ARMC2: variants seen among roughly 807,000 people sequenced by gnomAD.
ARMC2 encodes armadillo repeat containing 2.
ARMC2 carries 67 observed loss-of-function variants against 90.3 expected under a neutral mutation model. The ratio of observed to expected loss-of-function variants is 0.74; its 90% CI spans 0.61 to 0.91. ARMC2 has a LOEUF of 0.91. Among genes scored for constraint, ARMC2 ranks in the 40% least tolerant of loss-of-function variants. The pLI, the probability that ARMC2 is intolerant of heterozygous loss-of-function variation, is 0.00. For missense variants in ARMC2, 920 were observed against 1,030.9 expected (o/e 0.89, Z 1.47); for synonymous variants, 393 against 393.0 (o/e 1.00, Z 0.00).
Position 108,973,551 on chromosome 6 carries a change from T to A in ARMC2, c.*37T>A, listed in dbSNP as rs755510784. On this transcript the variant is annotated 3_prime_UTR_variant, in exon 18 of 18. Transcript: ENST00000392644. ...TTAACAGTAGAAACGAGAACTCACG[T>A]CTCCCTCATTCTTAAGAACTGGTAA... 18 of 1,528,884 alleles carry A rather than the reference T, an allele frequency of 1.2e-5. No individual in the cohort carries two copies. Among genetic ancestry groups the A allele is most frequent in the Non-Finnish European group, 1.4e-5 (16 of 1,129,318 alleles). The allele number at this position is 1,528,884 out of a possible 1,614,324, so 94.7% of individuals were successfully genotyped here.
the ARMC2 span, chr6:109,009,282 G>C: frequency 9.3e-6 from 12 of 1,296,448 alleles, no homozygotes; most frequent in African/African-American, 6.2e-5. Context: ...CGTGACCTCC[G>C]TGTTGCACAG....
chr6:108,850,529 A>G (rs1216898813), intron 1 of ARMC2, among the ~76,000 whole-genome samples: 1 of 152,132 alleles, frequency 6.6e-6, no homozygotes, highest in Non-Finnish European at 1.5e-5. Flanking sequence ...TCGTCACAAC[A>G]TTGAGTCCTA....
At chr6:108,989,577 C>A in the ARMC2 span, among the ~76,000 whole-genome samples, 2 of 148,584 alleles carry the variant, frequency 1.3e-5, no homozygotes, top group Admixed American at 6.7e-5. Flanking sequence ...CTAGAGATAT[C>A]TATATATAGA....
At chr6:108,858,329 A>C in intron 3 of ARMC2, 58 bp downstream of exon 3, 1 of 1,363,226 alleles carries the variant, frequency 7.3e-7, no homozygotes, top group South Asian at 1.3e-5. Context: ...GAAATTGGCC[A>C]AAAACACTTG....
the ARMC2 span, among the ~76,000 whole-genome samples, chr6:108,980,014 C>T: frequency 2.0e-4 from 30 of 151,950 alleles, no homozygotes; most frequent in African/African-American, 4.4e-4. Flanking sequence ...ACTCATTCTC[C>T]GTCCAGTTTT....
At chr6:108,928,454 G>T (rs778286929) in intron 11 of ARMC2, among the ~76,000 whole-genome samples, 9 of 152,158 alleles carry the variant, frequency 5.9e-5, no homozygotes, top group Non-Finnish European at 1.2e-4. Flanking sequence ...CTCATTGGTT[G>T]TTAAGTCATT....
In ARMC2 at chr6:108,973,491, C is replaced by A; in HGVS notation, c.2581C>A (p.Pro861Thr). 2 of 1,613,136 alleles carry A rather than the reference C, an allele frequency of 1.2e-6. No homozygotes were observed. The highest frequency in any genetic ancestry group is 1.7e-5 in the Admixed American group (1 of 59,988). Residue 861 changes from proline to threonine, a missense_variant, in exon 18 of 18, where the codon CCC becomes ACC. Pro to Thr is a conservative substitution (Grantham distance 38). Coordinates refer to ENST00000392644, the MANE Select transcript of ARMC2 (RefSeq NM_032131.6). ...TCAGAGACATCACACCTTCCTGGAA[C>A]CCCTGCCCATTCCCTCTTTCTAACA... ...RIQRHHTFLE[P>T]LPIPSF is the part of the protein sequence containing the mutation.
intron 7 of ARMC2, among the ~76,000 whole-genome samples, chr6:108,901,562 C>CGT (rs1772165560): frequency 6.6e-6 from 1 of 151,760 alleles, no homozygotes; most frequent in African/African-American, 2.4e-5. Flanking sequence ...ATGACAGGTG[C>CGT]GCACCACCAC....
intron 11 of ARMC2, among the ~76,000 whole-genome samples, chr6:108,936,110 C>CT (rs1319153378): frequency 6.6e-6 from 1 of 152,144 alleles, no homozygotes; most frequent in Non-Finnish European, 1.5e-5. Flanking sequence ...TGCTTGCTTA[C>CT]TTGCTTTAGA....
At chr6:108,965,483 G>A (rs893681698) in intron 17 of ARMC2, among the ~76,000 whole-genome samples, 5 of 149,630 alleles carry the variant, frequency 3.3e-5, no homozygotes, top group Non-Finnish European at 5.9e-5. Context: ...GAGAAAATAC[G>A]GCTAAAATCT....
At chr6:108,996,077 G>A in the ARMC2 span, among the ~76,000 whole-genome samples, 1 of 152,120 alleles carries the variant, frequency 6.6e-6, no homozygotes, top group African/African-American at 2.4e-5. Context: ...TCCCTTCCCA[G>A]ACCAAACCTT....
At chr6:108,929,019 A>T (rs1279371207) in intron 11 of ARMC2, among the ~76,000 whole-genome samples, 1 of 152,160 alleles carries the variant, frequency 6.6e-6, no homozygotes, top group Non-Finnish European at 1.5e-5. Context: ...ATTAAATGGT[A>T]CACAGGTTTG....
Position 108,858,291 on chromosome 6 carries a change from A to G in ARMC2, c.291+20A>G, listed in dbSNP as rs893412106. On this transcript the variant is annotated intron_variant, in intron 3 of 17. Transcript: ENST00000392644. ...GAGCTGGTGAGTACTTTGTATAACC[A>G]CCAGTAATTTATATTATGTTGTGAA... The G allele has an allele frequency of 3.2e-6, 5 of 1,566,342 alleles. No homozygotes were observed. The highest frequency in any genetic ancestry group is 4.4e-6 in the Non-Finnish European group (5 of 1,142,010).
At chr6:108,908,234 G>A (rs1224709128) in intron 8 of ARMC2, among the ~76,000 whole-genome samples, 2 of 152,208 alleles carry the variant, frequency 1.3e-5, no homozygotes, top group Non-Finnish European at 2.9e-5. Context: ...CAAGTGCAAA[G>A]TGTGAACGAC....
chr6:108,869,910 T>A (rs368193739), intron 4 of ARMC2, among the ~76,000 whole-genome samples: 5 of 152,142 alleles, frequency 3.3e-5, no homozygotes, highest in South Asian at 2.1e-4. Context: ...CCAGCATTTT[T>A]AAAAAATGAA....
intron 8 of ARMC2, among the ~76,000 whole-genome samples, chr6:108,908,812 G>C (rs1773087075): frequency 6.6e-6 from 1 of 152,144 alleles, no homozygotes; most frequent in South Asian, 2.1e-4. Flanking sequence ...GCTCACACCT[G>C]TAGTCCTAGC....
intron 12 of ARMC2, among the ~76,000 whole-genome samples, chr6:108,945,764 A>G (rs1284628514): frequency 2.1e-4 from 32 of 152,140 alleles, no homozygotes; most frequent in Non-Finnish European, 2.9e-5. Context: ...AAGCAAAACC[A>G]CCTCCATTTT....
the ARMC2 span, among the ~76,000 whole-genome samples, chr6:108,985,629 G>C: frequency 6.6e-6 from 1 of 152,182 alleles, no homozygotes; most frequent in Non-Finnish European, 1.5e-5. Context: ...ATAAGTTCCA[G>C]TGGACTAAAT....
At chr6:109,046,318 CGA>C in the ARMC2 span, among the ~76,000 whole-genome samples, 1 of 151,854 alleles carries the variant, frequency 6.6e-6, no homozygotes, top group Non-Finnish European at 1.5e-5. Flanking sequence ...CCCCTAACCG[CGA>C]GTGATCCGCC....
Sources: allele counts gnomAD v4.1 joint callset (sites outside exome capture counted in the v4.1 genomes callset), GRCh38; gene constraint gnomAD v4.1.1; transcripts MANE v1.5; gene names NCBI Gene and HGNC (gene_info 2026-07-23, HGNC 2026-07-21).